The following CTNND2 variants were observed in gnomAD, a reference collection of about 807,000 sequenced individuals.
CTNND2 encodes the protein catenin delta 2.
A neutral mutation model predicts 144.4 loss-of-function variants in CTNND2; 22 were observed. The observed-to-expected ratio is 0.15, with a 90% CI of 0.11 to 0.22. The LOEUF (loss-of-function observed/expected upper bound fraction) is 0.22. CTNND2 is among the 10% of genes least tolerant of loss of function. CTNND2 has a pLI of 1.00. For missense variants in CTNND2, 1,353 were observed against 1,618.8 expected, an observed-to-expected ratio of 0.84 and a Z score of 2.82; for synonymous variants, 751 against 695.6, an observed-to-expected ratio of 1.08 and a Z score of -1.25.
At chr5:11,641,113 C>A (rs749855968) in intron 2 of CTNND2, among the ~76,000 whole-genome samples, 2 of 152,050 alleles carry the variant, frequency 1.3e-5, no homozygotes, top group African/African-American at 4.8e-5. Context: ...TCGTTCTGAG[C>A]ACAGGATTTT....
intron 2 of CTNND2, among the ~76,000 whole-genome samples, chr5:11,690,557 C>T (rs935016599): frequency 3.3e-5 from 5 of 151,566 alleles, no homozygotes; most frequent in Admixed American, 2.6e-4. Flanking sequence ...CAAGGTGAAA[C>T]CCCGTCTCTA....
chr5:11,564,844 A>G (rs766349418), intron 3 of CTNND2, 100 bp downstream of exon 3: 13 of 747,252 alleles, frequency 1.7e-5, no homozygotes, highest in Middle Eastern at 2.4e-4. Context: ...GTTTGACTGA[A>G]TGTTCCAATT....
chr5:11,273,264 A>G (rs1483927969), intron 9 of CTNND2, among the ~76,000 whole-genome samples: 1 of 152,176 alleles, frequency 6.6e-6, no homozygotes, highest in Admixed American at 6.5e-5. Context: ...TATAATTATT[A>G]TTATATGTAC....
At chr5:11,822,378 T>C (rs1793360914) in intron 1 of CTNND2, among the ~76,000 whole-genome samples, 1 of 152,174 alleles carries the variant, frequency 6.6e-6, no homozygotes. Flanking sequence ...AGTGTATGCG[T>C]TTCAAATTCT....
chr5:11,336,927 C>T (rs1426171928), intron 9 of CTNND2, among the ~76,000 whole-genome samples: 1 of 152,034 alleles, frequency 6.6e-6, no homozygotes, highest in Non-Finnish European at 1.5e-5. Flanking sequence ...AAGACAGTCC[C>T]TGAGGAATGA....
rs78643764 is a variant in CTNND2, at chr5:11,472,985, C to A, written c.288-60916G>T. Among the ~76,000 whole-genome samples the A allele has an allele frequency of 4.4e-3, 677 of 152,174 alleles. 4 individuals are homozygous for A. Among genetic ancestry groups the A allele is most frequent in the African/African-American group, 0.015 (638 of 41,538 alleles). On this transcript the variant is annotated intron_variant, in intron 3 of 21. Coordinates refer to ENST00000304623, the MANE Select transcript of CTNND2 (RefSeq NM_001332.4). ...GTTCAGGAGTCTGAGGCAAGAGAAT[C>A]GCTTGAACCTGGAGTAGGAGGTTGC...
chr5:11,212,699 C>T (rs1337480725), intron 10 of CTNND2, among the ~76,000 whole-genome samples: 1 of 152,206 alleles, frequency 6.6e-6, no homozygotes, highest in Non-Finnish European at 1.5e-5. Context: ...GCCCTGATTC[C>T]TGGAGCCCAC....
At chr5:10,993,179 C>G (rs557184215) in intron 18 of CTNND2, among the ~76,000 whole-genome samples, 2 of 152,270 alleles carry the variant, frequency 1.3e-5, no homozygotes, top group African/African-American at 4.8e-5. Flanking sequence ...AAATGCCCAC[C>G]CTCGCCTGTC....
Position 10,982,021 on chromosome 5 carries a change from GA to G in CTNND2, c.3344-176del, listed in dbSNP as rs61752666. Among the ~76,000 whole-genome samples the G allele has an allele frequency of 0.017, 2,525 of 152,270 alleles. 44 individuals are homozygous for G. Among genetic ancestry groups the G allele is most frequent in the Non-Finnish European group, 0.02 (1,341 of 68,012 alleles). The stretch of plus-strand genomic sequence containing the variant: ...ATTTTACATACAGATATTAAAAAAG[GA>G]GAACAGTTATTCTAGAAAATCCCCA... On this transcript the variant is annotated intron_variant, in intron 20 of 21. Transcript: ENST00000304623.
At chr5:11,139,476 G>T (rs1756490087) in intron 12 of CTNND2, among the ~76,000 whole-genome samples, 1 of 152,178 alleles carries the variant, frequency 6.6e-6, no homozygotes, top group Non-Finnish European at 1.5e-5. Context: ...ACCTCCCTGG[G>T]GTAACCACTG....
At chr5:11,313,117 T>C (rs565893306) in intron 9 of CTNND2, among the ~76,000 whole-genome samples, 6 of 152,282 alleles carry the variant, frequency 3.9e-5, no homozygotes, top group South Asian at 4.1e-4. Flanking sequence ...ACTGACACTT[T>C]CCCTCAACCC....
intron 3 of CTNND2, among the ~76,000 whole-genome samples, chr5:11,506,241 G>A (rs1771022972): frequency 6.6e-6 from 1 of 152,062 alleles, no homozygotes; most frequent in Non-Finnish European, 1.5e-5. Context: ...GACCACCTCG[G>A]TTCACACTCT....
At chr5:11,201,559 T>A (rs1737442913) in intron 10 of CTNND2, among the ~76,000 whole-genome samples, 1 of 152,208 alleles carries the variant, frequency 6.6e-6, no homozygotes, top group African/African-American at 2.4e-5. Flanking sequence ...TTTTCATTCA[T>A]CAGCAAATGA....
chr5:11,244,151 C>G (rs1484520982), intron 9 of CTNND2, among the ~76,000 whole-genome samples: 1 of 151,696 alleles, frequency 6.6e-6, no homozygotes, highest in Admixed American at 6.6e-5. Context: ...TTTTAAAGAA[C>G]AAAATGGAGA....
At chr5:11,843,371 A>C (rs16901926) in intron 1 of CTNND2, among the ~76,000 whole-genome samples, 1,929 of 152,282 alleles carry the variant, frequency 0.013, 21 homozygotes, top group African/African-American at 0.039. Flanking sequence ...CAGGTTTGCA[A>C]ATGAACATTT....
intron 3 of CTNND2, among the ~76,000 whole-genome samples, chr5:11,465,369 G>T (rs1766570127): frequency 6.7e-6 from 1 of 149,344 alleles, no homozygotes; most frequent in Non-Finnish European, 1.5e-5. Context: ...CACAGTTAAT[G>T]GGTTGCTCAG....
chr5:11,813,985 C>T (rs549182403), intron 1 of CTNND2, among the ~76,000 whole-genome samples: 8 of 152,310 alleles, frequency 5.3e-5, no homozygotes, highest in East Asian at 3.9e-4. Context: ...TCTATTACAA[C>T]TACCATGAAA....
chr5:11,870,604 T>C (rs1036000579), intron 1 of CTNND2, among the ~76,000 whole-genome samples: 1 of 152,214 alleles, frequency 6.6e-6, no homozygotes, highest in African/African-American at 2.4e-5. Context: ...ATCAAGTGCC[T>C]AGTCGGCTTT....
intron 10 of CTNND2, among the ~76,000 whole-genome samples, chr5:11,207,777 A>G (rs1009076498): frequency 6.6e-6 from 1 of 151,876 alleles, no homozygotes; most frequent in Admixed American, 6.6e-5. Flanking sequence ...CTCTGAGAAA[A>G]CCTGCCACTA....
Sources: gnomAD v4.1 joint callset for allele counts (sites outside exome capture counted in the v4.1 genomes callset) on GRCh38, gnomAD v4.1.1 for gene constraint, MANE v1.5 for transcripts, NCBI Gene and HGNC (gene_info 2026-07-23, HGNC 2026-07-21) for gene names.